Variants in MTUS2 observed in about 807,000 individuals in gnomAD.
MTUS2 encodes microtubule-associated tumor suppressor candidate 2.
MTUS2 carries 40 observed loss-of-function variants against 114.1 expected under a neutral mutation model. The ratio of observed to expected loss-of-function variants is 0.35; its 90% CI spans 0.27 to 0.46. The LOEUF (loss-of-function observed/expected upper bound fraction) is 0.46, where lower values mean the gene tolerates loss of function less well. Ranked by LOEUF, MTUS2 falls within the 20% of genes least tolerant of loss-of-function variation. MTUS2 has a pLI of 1.00. For synonymous variants in MTUS2, 688 were observed against 672.0 expected (o/e 1.02, Z -0.37); for missense variants, 1,679 against 1,705.4 (o/e 0.98, Z 0.27).
intron 2 of MTUS2, among the ~76,000 whole-genome samples, chr13:28,927,095 A>G (rs576462858): frequency 6.6e-6 from 1 of 152,224 alleles, no homozygotes; most frequent in South Asian, 2.1e-4. Context: ...TAGCATTTAT[A>G]GTAATCAGAT....
chr13:29,492,224 G>C (rs1407117015), intron 11 of MTUS2, among the ~76,000 whole-genome samples: 41 of 130,950 alleles, frequency 3.1e-4, no homozygotes, highest in Non-Finnish European at 5.8e-4. Flanking sequence ...TGTGTGGTAG[G>C]TGTGTATGTG....
chr13:29,241,160 T>G (rs575749819), intron 5 of MTUS2, among the ~76,000 whole-genome samples: 1 of 152,316 alleles, frequency 6.6e-6, no homozygotes, highest in South Asian at 2.1e-4. Context: ...GCCCCAGCCC[T>G]GGGTTACAGG....
intron 4 of MTUS2, among the ~76,000 whole-genome samples, chr13:29,097,818 C>G (rs1442017045): frequency 6.6e-6 from 1 of 152,176 alleles, no homozygotes; most frequent in African/African-American, 2.4e-5. Context: ...GGTCCCACCT[C>G]TGAATATCAT....
intron 5 of MTUS2, among the ~76,000 whole-genome samples, chr13:29,262,619 A>G (rs1374607570): frequency 2.0e-5 from 3 of 151,994 alleles, no homozygotes; most frequent in African/African-American, 7.2e-5. Flanking sequence ...GCTCTGGGAC[A>G]CTGAGATGCT....
chr13:29,462,679 G>T (rs559881678), intron 9 of MTUS2, among the ~76,000 whole-genome samples: 1 of 152,084 alleles, frequency 6.6e-6, no homozygotes, highest in Non-Finnish European at 1.5e-5. Flanking sequence ...AAGAGGGAGA[G>T]AAATGGAGGG....
intron 9 of MTUS2, among the ~76,000 whole-genome samples, chr13:29,466,629 C>T (rs1879907522): frequency 6.6e-6 from 1 of 152,072 alleles, no homozygotes; most frequent in African/African-American, 2.4e-5. Context: ...GTAATCCCAG[C>T]ACTTTGGGAG....
At chr13:28,857,528 C>G (rs1173498297) in intron 2 of MTUS2, among the ~76,000 whole-genome samples, 1 of 152,152 alleles carries the variant, frequency 6.6e-6, no homozygotes, top group African/African-American at 2.4e-5. Context: ...TGCCAGAGAA[C>G]AGGCTGCCTT....
intron 2 of MTUS2, among the ~76,000 whole-genome samples, chr13:28,924,890 G>A (rs991047445): frequency 6.6e-6 from 1 of 152,068 alleles, no homozygotes; most frequent in South Asian, 2.1e-4. Flanking sequence ...ACTAGATGGC[G>A]GTTTTTCCTT....
intron 6 of MTUS2, among the ~76,000 whole-genome samples, chr13:29,319,600 G>A (rs1900167095): frequency 6.6e-6 from 1 of 152,190 alleles, no homozygotes; most frequent in Non-Finnish European, 1.5e-5. Context: ...CCAGAGCGGT[G>A]CAGAGCTCTG....
chr13:28,939,560 T>C (rs1318957582), intron 2 of MTUS2, among the ~76,000 whole-genome samples: 1 of 152,180 alleles, frequency 6.6e-6, no homozygotes, highest in East Asian at 1.9e-4. Context: ...CTACATAAAA[T>C]TGAGTGTTTG....
Position 28,897,113 on chromosome 13 carries a change from G to A in MTUS2, c.-243+57263G>A, listed in dbSNP as rs569817841. Among the ~76,000 whole-genome samples, 303 of 152,290 alleles carry A rather than the reference G, an allele frequency of 2.0e-3. 1 individual carries two copies. The highest frequency in any genetic ancestry group is 7.1e-3 in the African/African-American group (293 of 41,558). On this transcript the variant is annotated intron_variant, in intron 2 of 15. Coordinates refer to ENST00000612955, the MANE Select transcript of MTUS2 (RefSeq NM_001033602.4). ...AAGAAACTACCATCAGAGTGAACAG[G>A]CAACCTGCAGAATAGGAGAAAATTT...
chr13:29,191,384 A>C (rs530747494), intron 5 of MTUS2, among the ~76,000 whole-genome samples: 1 of 152,216 alleles, frequency 6.6e-6, no homozygotes, highest in African/African-American at 2.4e-5. Flanking sequence ...AACAATGATG[A>C]GAAGCAGTTG....
At chr13:28,951,397 C>A (rs1326649657) in intron 2 of MTUS2, among the ~76,000 whole-genome samples, 1 of 152,158 alleles carries the variant, frequency 6.6e-6, no homozygotes, top group Non-Finnish European at 1.5e-5. Flanking sequence ...TAGTCTTTCA[C>A]CACTGAGTAT....
At chr13:28,839,219 G>A (rs1004806087) in intron 1 of MTUS2, among the ~76,000 whole-genome samples, 2 of 151,968 alleles carry the variant, frequency 1.3e-5, no homozygotes, top group African/African-American at 4.8e-5. Flanking sequence ...CTGATTTTTT[G>A]AATTGAAATT....
At position 28,869,982 on chromosome 13, in the gene MTUS2, A is replaced by T. The variant is rs957291845; in HGVS notation, c.-243+30132A>T. On this transcript the variant is annotated intron_variant, in intron 2 of 15. Coordinates refer to ENST00000612955, the MANE Select transcript of MTUS2 (RefSeq NM_001033602.4). ...AAATTCTTTTATATGCATTTTCTGT[A>T]TTTTTAAAGTTGACAATAATAATTG... 2.0e-5 allele frequency among the ~76,000 whole-genome samples: 3 copies of T among 152,136 alleles called. No homozygotes were observed. The South Asian group carries it at 6.2e-4, about 32-fold the overall frequency.
intron 2 of MTUS2, among the ~76,000 whole-genome samples, chr13:28,924,458 A>ATG (rs553741156): frequency 2.0e-4 from 31 of 152,304 alleles, no homozygotes; most frequent in Non-Finnish European, 3.2e-4. Flanking sequence ...TTGAGTACAG[A>ATG]TGTACAGTGC....
chr13:29,361,498 T>G (rs1593349529), intron 8 of MTUS2, among the ~76,000 whole-genome samples: 1 of 152,068 alleles, frequency 6.6e-6, no homozygotes, highest in African/African-American at 2.4e-5. Context: ...TTGAACATAA[T>G]CAGTGGCTTT....
Position 29,317,731 on chromosome 13 carries a change from CCCG to C in MTUS2, c.2807-6881_2807-6879del, listed in dbSNP as rs1900065120. ...GGGATTACAGGCGTGAGCCACCGCG[CCCG>C]GCCTCTCTCTTTAGTTTATAACTCA... On this transcript the variant is annotated intron_variant, in intron 6 of 15. Coordinates refer to ENST00000612955, the MANE Select transcript of MTUS2 (RefSeq NM_001033602.4). Among the ~76,000 whole-genome samples, 2 of 151,384 alleles carry C rather than the reference CCCG, an allele frequency of 1.3e-5. 1 individual carries two copies. Among genetic ancestry groups the C allele is most frequent in the Non-Finnish European group, 2.9e-5 (2 of 67,882 alleles).
intron 5 of MTUS2, among the ~76,000 whole-genome samples, chr13:29,168,287 G>A (rs1331174623): frequency 3.3e-5 from 5 of 152,074 alleles, no homozygotes; most frequent in African/African-American, 4.8e-5. Context: ...TCAGATTTCC[G>A]CTGAGCTCCA....
Sources: allele counts gnomAD v4.1 joint callset (sites outside exome capture counted in the v4.1 genomes callset), GRCh38; gene constraint gnomAD v4.1.1; transcripts MANE v1.5; gene names NCBI Gene and HGNC (gene_info 2026-07-23, HGNC 2026-07-21).